The following ZNF638 variants were observed in gnomAD, a reference collection of about 807,000 sequenced individuals.
ZNF638 encodes zinc finger protein 638.
In ZNF638, 46 loss-of-function variants were observed where a neutral mutation model predicts 195.6. That is an observed-to-expected ratio of 0.24 (90% CI 0.19 to 0.30). The LOEUF (loss-of-function observed/expected upper bound fraction) is 0.30. ZNF638 is among the 10% of genes least tolerant of loss of function. The probability of loss-of-function intolerance (pLI) is 1.00; values close to 1 mark genes in which losing one functional copy is unlikely to be tolerated. For missense variants in ZNF638, 2,440 were observed against 2,325.3 expected, an observed-to-expected ratio of 1.05 and a Z score of -1.01; for synonymous variants, 845 against 772.0, an observed-to-expected ratio of 1.09 and a Z score of -1.57.
At chr2:71,383,639 A>T (rs1468160608) in intron 10 of ZNF638, among the ~76,000 whole-genome samples, 3 of 135,212 alleles carry the variant, frequency 2.2e-5, no homozygotes, top group Non-Finnish European at 4.6e-5. Context: ...CAGTGGCATG[A>T]TCTTGGCTCA....
rs774167974 is a variant in ZNF638 at position 71,406,111 on chromosome 2, C to A, written c.3001-17C>A. ...TCAGCTGTGGTTTTTTCTGTGCTGTCTCTTAAAAAACTACAGGCAAACATA... is the reference window on the plus strand; with the variant it reads ...TCAGCTGTGGTTTTTTCTGTGCTGTATCTTAAAAAACTACAGGCAAACATA... On this transcript the variant is annotated splice_polypyrimidine_tract_variant and intron_variant, in intron 18 of 27. Coordinates refer to ENST00000264447, the MANE Select transcript of ZNF638 (RefSeq NM_014497.5). 2 of 1,612,394 alleles carry A rather than the reference C, an allele frequency of 1.2e-6. No homozygotes were observed. Among genetic ancestry groups the A allele is most frequent in the Non-Finnish European group, 1.7e-6 (2 of 1,179,042 alleles).
chr2:71,372,804 C>A (rs930735758), intron 8 of ZNF638, among the ~76,000 whole-genome samples: 1 of 152,208 alleles, frequency 6.6e-6, no homozygotes, highest in African/African-American at 2.4e-5. Flanking sequence ...CTATAACACA[C>A]ATTTCTCAAT....
At chr2:71,398,409 A>C (rs767727150) in intron 11 of ZNF638, among the ~76,000 whole-genome samples, 1 of 151,938 alleles carries the variant, frequency 6.6e-6, no homozygotes, top group Non-Finnish European at 1.5e-5. Flanking sequence ...TGTCAGCAGC[A>C]CTCGGGGTTT....
chr2:71,348,436 G>T, intron 1 of ZNF638: 1 of 1,010,250 alleles, frequency 9.9e-7, no homozygotes, highest in Admixed American at 5.3e-5. Context: ...GTATTACAGC[G>T]TGAAATAAAT....
chr2:71,353,344 G>A (rs575134958), intron 2 of ZNF638, among the ~76,000 whole-genome samples: 1 of 152,272 alleles, frequency 6.6e-6, no homozygotes, highest in South Asian at 2.1e-4. Context: ...AGAAAGTACC[G>A]ACAATAAAAA....
At chr2:71,425,060 T>C (rs1427314901) in intron 23 of ZNF638, among the ~76,000 whole-genome samples, 2 of 152,210 alleles carry the variant, frequency 1.3e-5, no homozygotes, top group Non-Finnish European at 2.9e-5. Flanking sequence ...GAGACTGACA[T>C]TTGACTTGAG....
intron 7 of ZNF638, 70 bp downstream of exon 7, chr2:71,368,598 G>A: frequency 6.5e-7 from 1 of 1,531,436 alleles, no homozygotes; most frequent in Non-Finnish European, 8.9e-7. Flanking sequence ...AATTGCTGTT[G>A]TGTTCCTTAG....
At chr2:71,433,734 AGTG>A (rs2080712410) in intron 27 of ZNF638, among the ~76,000 whole-genome samples, 1 of 152,226 alleles carries the variant, frequency 6.6e-6, no homozygotes, top group African/African-American at 2.4e-5. Flanking sequence ...CCATAATTGA[AGTG>A]GTGACTCTAG....
intron 2 of ZNF638, among the ~76,000 whole-genome samples, chr2:71,352,161 G>C (rs763100370): frequency 1.3e-5 from 2 of 152,030 alleles, no homozygotes; most frequent in Non-Finnish European, 2.9e-5. Flanking sequence ...CTTGAATTGA[G>C]GCTTTAGATA....
rs781668308 is a variant in ZNF638 at position 71,426,707 on chromosome 2, A to G, written c.4838A>G (p.His1613Arg). ...EIGEEEDAAAHLAQALVTVDE... is the reference protein window; with the variant it reads ...EIGEEEDAAARLAQALVTVDE... ...GGGGAAGAGGAAGATGCAGCTGCAC[A>G]TCTAGCACAAGCTCTAGTCACTGTG... The change falls in exon 24 of 28, where the codon CAT becomes CGT. Residue 1613 changes from histidine to arginine, a missense_variant. Physicochemically the swap from His to Arg is conservative, Grantham distance 29. Around this residue, in one of 5 missense-constraint regions of ZNF638, gnomAD observed 1,883 missense variants for 1,739.1 expected, o/e 1.08. Transcript: ENST00000264447. 5 of 1,614,222 alleles carry G rather than the reference A, an allele frequency of 3.1e-6. No homozygotes were observed. In the South Asian group the frequency reaches 4.4e-5, roughly 14 times the overall value.
Position 71,345,004 on chromosome 2 carries a change from A to T in ZNF638, c.-202-3749A>T, listed in dbSNP as rs146485737. 3.0e-3 allele frequency among the ~76,000 whole-genome samples: 460 copies of T among 152,296 alleles called. 2 individuals carry two copies. The highest frequency in any genetic ancestry group is 0.011 in the African/African-American group (438 of 41,568). ...CAGTAGTCTCCCCTTATCCATGGCTATACTTTCTGCAGTTAGTTACCTGTA... is the reference window on the plus strand; with the variant it reads ...CAGTAGTCTCCCCTTATCCATGGCTTTACTTTCTGCAGTTAGTTACCTGTA... On this transcript the variant is annotated intron_variant, in intron 1 of 27. Coordinates refer to ENST00000264447, the MANE Select transcript of ZNF638 (RefSeq NM_014497.5).
chr2:71,387,836 A>C (rs536615109), intron 10 of ZNF638, among the ~76,000 whole-genome samples: 2 of 152,220 alleles, frequency 1.3e-5, no homozygotes, highest in Non-Finnish European at 2.9e-5. Context: ...GTATTAATGC[A>C]TAAGTATTTT....
intron 25 of ZNF638, among the ~76,000 whole-genome samples, chr2:71,429,684 A>G (rs1386100110): frequency 6.6e-6 from 1 of 152,140 alleles, no homozygotes; most frequent in Non-Finnish European, 1.5e-5. Flanking sequence ...ATGGAACTGA[A>G]TGTATTTTGG....
intron 24 of ZNF638, among the ~76,000 whole-genome samples, chr2:71,428,226 C>T (rs757101763): frequency 1.3e-5 from 2 of 152,012 alleles, no homozygotes; most frequent in East Asian, 1.9e-4. Context: ...AAAGATTTAA[C>T]TCAACTAAGA....
In ZNF638 at chr2:71,383,223, G is replaced by A. The variant is rs372909831; in HGVS notation, c.2377+2658G>A. Among the ~76,000 whole-genome samples, 35 of 152,230 alleles carry A rather than the reference G, an allele frequency of 2.3e-4. 1 individual carries two copies. The highest frequency in any genetic ancestry group is 7.5e-4 in the African/African-American group (31 of 41,570). ...CCAGCTACTCAGGAGGCCGAGGCAC[G>A]AGAGTCTCTTGAACCTGGGAGGCAG... is the stretch of plus-strand genomic sequence containing the variant. On this transcript the variant is annotated intron_variant, in intron 10 of 27. Transcript: ENST00000264447.
intron 22 of ZNF638, 86 bp from the exon 23 acceptor site, chr2:71,424,564 T>TG: frequency 1.8e-6 from 2 of 1,119,220 alleles, no homozygotes; most frequent in Non-Finnish European, 2.6e-6. Context: ...GTTTACTGTT[T>TG]TTTTTTGTTT....
chr2:71,395,979 A>G (rs183880159), intron 10 of ZNF638, 162 bp from the exon 11 acceptor site: 678 of 658,636 alleles, frequency 1.0e-3, no homozygotes, highest in Non-Finnish European at 1.6e-3. Context: ...TCAAGTCCAT[A>G]TCTAAGAATT....
intron 26 of ZNF638, among the ~76,000 whole-genome samples, 188 bp downstream of exon 26, chr2:71,431,616 C>A (rs1396778728): frequency 3.9e-5 from 6 of 152,108 alleles, no homozygotes; most frequent in Non-Finnish European, 8.8e-5. Context: ...AAAAATTAGC[C>A]GGACGTGGTG....
chr2:71,433,579 T>C (rs1323965453), intron 27 of ZNF638: 1 of 228,382 alleles, frequency 4.4e-6, no homozygotes, highest in Non-Finnish European at 8.6e-6. Flanking sequence ...ATGTAGACAT[T>C]AGCATATTAA....
Sources: gnomAD v4.1 joint callset for allele counts (sites outside exome capture counted in the v4.1 genomes callset) on GRCh38, gnomAD v4.1.1 for gene constraint, gnomAD v4.1.1 regional missense constraint, MANE v1.5 for transcripts, NCBI Gene and HGNC (gene_info 2026-07-23, HGNC 2026-07-21) for gene names.